Variants in PRKAA2 observed in about 807,000 individuals in gnomAD.
The protein encoded by PRKAA2 is protein kinase AMP-activated catalytic subunit alpha 2, also known as 5'-AMP-activated protein kinase catalytic subunit alpha-2.
Under a neutral mutation model 56.3 loss-of-function variants are expected in PRKAA2, and 40 were observed. The ratio of observed to expected loss-of-function variants is 0.71; its 90% CI spans 0.55 to 0.92. PRKAA2 has a LOEUF of 0.92. Among genes scored for constraint, PRKAA2 ranks in the 40% least tolerant of loss-of-function variants. The pLI, the probability that PRKAA2 is intolerant of heterozygous loss-of-function variation, is 0.00. For synonymous variants in PRKAA2, 214 were observed against 234.2 expected (o/e 0.91, Z 0.79); for missense variants, 542 against 686.9 (o/e 0.79, Z 2.36).
chr1:56,673,551 C>T (rs1338841853), intron 1 of PRKAA2, among the ~76,000 whole-genome samples: 2 of 152,118 alleles, frequency 1.3e-5, no homozygotes, highest in Admixed American at 6.6e-5. Context: ...ATTTGTTCTT[C>T]GACTGAGGGA....
At chr1:56,692,185 C>T (rs1165715700) in intron 3 of PRKAA2, among the ~76,000 whole-genome samples, 173 bp from the exon 4 acceptor site, 2 of 152,024 alleles carry the variant, frequency 1.3e-5, no homozygotes, top group Non-Finnish European at 2.9e-5. Flanking sequence ...GTGCATGTCA[C>T]CATGCCCGGC....
chr1:56,706,296 A>C, intron 8 of PRKAA2, 78 bp downstream of exon 8: 1 of 1,531,834 alleles, frequency 6.5e-7, no homozygotes, highest in East Asian at 2.3e-5. Flanking sequence ...ATCATCTCGA[A>C]GACATCCGGT....
At position 56,713,397 on chromosome 1, in the gene PRKAA2, G is replaced by T. The variant is rs1644381950; in HGVS notation, c.*5684G>T. 1 of 152,080 alleles carries T rather than the reference G, an allele frequency of 6.6e-6. No individual in the cohort carries two copies. The allele number at this position is 152,080 out of a possible 1,614,324, so 9.4% of individuals were successfully genotyped here. A position where few individuals can be genotyped will look rare whatever the true frequency, so the allele number is the denominator to read the frequency against. On this transcript the variant is annotated 3_prime_UTR_variant, in exon 9 of 9. Coordinates refer to ENST00000371244, the MANE Select transcript of PRKAA2 (RefSeq NM_006252.4). The stretch of plus-strand genomic sequence containing the variant: ...AGTTGTGACTATGATGTGACTTTTG[G>T]TAAAAATGGTTTATATCTAAAGTAG...
chr1:56,690,717 T>G (rs147076833), intron 2 of PRKAA2, among the ~76,000 whole-genome samples: 15 of 152,312 alleles, frequency 9.8e-5, no homozygotes, highest in East Asian at 3.9e-4. Flanking sequence ...TTTTGCTGAA[T>G]GTATCCCTGT....
rs539549690 is a variant in PRKAA2, at chr1:56,698,753, C to T, written c.788+2594C>T. 1.4e-3 allele frequency among the ~76,000 whole-genome samples: 212 copies of T among 152,140 alleles called. 1 individual carries two copies. Among genetic ancestry groups the T allele is most frequent in the Non-Finnish European group, 1.5e-3 (104 of 67,992 alleles). Reference sequence around the variant, plus strand: ...TCTTGTAAGATAGCCATTGGAAGTTCGGAAATATATCTTCATATTTATTTG... The same window carrying T: ...TCTTGTAAGATAGCCATTGGAAGTTTGGAAATATATCTTCATATTTATTTG... On this transcript the variant is annotated intron_variant, in intron 6 of 8. Coordinates refer to ENST00000371244, the MANE Select transcript of PRKAA2 (RefSeq NM_006252.4).
chr1:56,647,208 G>A (rs559438387), intron 1 of PRKAA2, among the ~76,000 whole-genome samples: 88 of 152,334 alleles, frequency 5.8e-4, no homozygotes, highest in African/African-American at 2.1e-3. Flanking sequence ...GGACAATCCA[G>A]GGATTGGATT....
At chr1:56,692,645 T>G in intron 4 of PRKAA2, 143 bp downstream of exon 4, 1 of 725,122 alleles carries the variant, frequency 1.4e-6, no homozygotes, top group Non-Finnish European at 2.0e-6. Context: ...GTAGCTTTTT[T>G]TTTTCATTTA....
intron 1 of PRKAA2, among the ~76,000 whole-genome samples, chr1:56,647,533 C>A (rs1363289779): frequency 1.3e-5 from 2 of 152,058 alleles, no homozygotes; most frequent in Non-Finnish European, 2.9e-5. Context: ...ACAGAAAGAA[C>A]TTTGATTTAT....
chr1:56,693,636 C>CT (rs35868724), intron 4 of PRKAA2, 129 bp from the exon 5 acceptor site: 112 of 551,610 alleles, frequency 2.0e-4, no homozygotes, highest in Non-Finnish European at 1.9e-4. Flanking sequence ...CTTTCCACTG[C>CT]TTTTTTTTAA....
chr1:56,693,739 C>T (rs779160575), intron 4 of PRKAA2, 26 bp from the exon 5 acceptor site: 5 of 1,464,876 alleles, frequency 3.4e-6, no homozygotes, highest in Non-Finnish European at 4.7e-6. Flanking sequence ...TATCTAGCAC[C>T]AAGTAAACAT....
rs149957663 is a variant in PRKAA2, at chr1:56,647,635, C to T, written c.94+2154C>T. Among the ~76,000 whole-genome samples, 1,003 of 152,238 alleles carry T rather than the reference C, an allele frequency of 6.6e-3. 7 individuals carry two copies. Among genetic ancestry groups the T allele is most frequent in the Non-Finnish European group, 9.7e-3 (657 of 68,012 alleles). On this transcript the variant is annotated intron_variant, in intron 1 of 8. Coordinates refer to ENST00000371244, the MANE Select transcript of PRKAA2 (RefSeq NM_006252.4). ...GTGTTAGATCCTCTCAAAAGTGATA[C>T]CATGGTTTCCTATCCAAGATTAGGA...
chr1:56,657,427 C>G (rs1216771621), intron 1 of PRKAA2, among the ~76,000 whole-genome samples: 1 of 152,182 alleles, frequency 6.6e-6, no homozygotes, highest in Non-Finnish European at 1.5e-5. Flanking sequence ...CCTGTAATCC[C>G]AGCACTTTGG....
chr1:56,647,493 G>A (rs1646652656), intron 1 of PRKAA2, among the ~76,000 whole-genome samples: 1 of 152,094 alleles, frequency 6.6e-6, no homozygotes, highest in Admixed American at 6.5e-5. Flanking sequence ...CTTTTGAATT[G>A]TTTCCAGGCA....
chr1:56,704,956 G>T (rs1421204671), intron 7 of PRKAA2, among the ~76,000 whole-genome samples: 2 of 151,862 alleles, frequency 1.3e-5, no homozygotes, highest in East Asian at 3.9e-4. Context: ...CTTTTATTTG[G>T]CTAGTGCTTT....
rs1553151631 is a variant in PRKAA2, at chr1:56,713,868, A to AAC, written c.*6158_*6159dup. On this transcript the variant is annotated 3_prime_UTR_variant, in exon 9 of 9. Transcript: ENST00000371244. The stretch of plus-strand genomic sequence containing the variant: ...TGTTCTAAAAAAAAAAAAAAAAAAA[A>AAC]ACACTAAATTGTGCCTTCTCCCTTA... 3.3e-5 allele frequency: 5 copies of AAC among 151,066 alleles called. No individual in the cohort carries two copies. The highest frequency in any genetic ancestry group is 1.2e-4 in the African/African-American group (5 of 40,982). The allele number at this position is 151,066 out of a possible 1,614,324, so 9.4% of individuals were successfully genotyped here.
At chr1:56,693,894 C>A in intron 5 of PRKAA2, 42 bp downstream of exon 5, 1 of 1,325,454 alleles carries the variant, frequency 7.5e-7, no homozygotes, top group Non-Finnish European at 1.1e-6. Flanking sequence ...ATCTTGTGTT[C>A]ATTTTGATAA....
chr1:56,692,219 A>T, intron 3 of PRKAA2, 139 bp from the exon 4 acceptor site: 2 of 945,568 alleles, frequency 2.1e-6, no homozygotes, highest in South Asian at 3.0e-5. Context: ...TTTAGTAGAG[A>T]TGGAGTTTCA....
intron 1 of PRKAA2, among the ~76,000 whole-genome samples, chr1:56,672,203 C>T (rs1018705190): frequency 3.3e-5 from 5 of 152,058 alleles, no homozygotes; most frequent in Non-Finnish European, 7.4e-5. Context: ...CTACAACCTC[C>T]GCCTCCCAGG....
At chr1:56,683,287 A>C (rs1406717465) in intron 2 of PRKAA2, among the ~76,000 whole-genome samples, 2 of 152,132 alleles carry the variant, frequency 1.3e-5, no homozygotes, top group Non-Finnish European at 2.9e-5. Flanking sequence ...TATCATCTTT[A>C]TCTCTCCTGC....
Sources: allele counts gnomAD v4.1 joint callset (sites outside exome capture counted in the v4.1 genomes callset), GRCh38; gene constraint gnomAD v4.1.1; transcripts MANE v1.5; gene names NCBI Gene and HGNC (gene_info 2026-07-23, HGNC 2026-07-21).